Variants in PPEF1 observed in about 807,000 individuals in gnomAD.
PPEF1 encodes serine/threonine-protein phosphatase with EF-hands 1.
PPEF1 carries 12 observed loss-of-function variants against 53.3 expected under a neutral mutation model. That is an observed-to-expected ratio of 0.23 (90% CI 0.14 to 0.36). The LOEUF (loss-of-function observed/expected upper bound fraction) is 0.36, where lower values mean the gene tolerates loss of function less well. Ranked by LOEUF, PPEF1 falls within the 10% of genes least tolerant of loss-of-function variation. PPEF1 has a pLI of 1.00. For missense variants in PPEF1, 334 were observed against 490.4 expected, an observed-to-expected ratio of 0.68 and a Z score of 3.01; for synonymous variants, 165 against 176.7, an observed-to-expected ratio of 0.93 and a Z score of 0.52.
Position 18,733,657 on chromosome X carries a change from A to G in PPEF1, c.175-91A>G. 5 of 728,642 alleles carry G rather than the reference A, an allele frequency of 6.9e-6. No homozygotes were observed. The South Asian group carries it at 7.4e-5, about 11-fold the overall frequency. 60.0% of individuals were successfully genotyped at this position (728,642 alleles called of 1,213,427 possible). A position where few individuals can be genotyped will look rare whatever the true frequency, so the allele number is the denominator to read the frequency against. ...AGCTGAGATACAAATGCCCCACAAG[A>G]GTAAGGGCACTCGGGTGGAACACCA... On this transcript the variant is annotated intron_variant, in intron 2 of 15. Transcript: ENST00000470157.
intron 3 of PPEF1, among the ~76,000 whole-genome samples, chrX:18,687,612 T>G (rs1170711755): frequency 9.0e-6 from 1 of 111,666 alleles, no homozygotes; most frequent in Admixed American, 9.6e-5. Flanking sequence ...CTGGAAATGG[T>G]AGCTAATACT....
upstream of PPEF1, among the ~76,000 whole-genome samples, chrX:18,679,038 C>T (rs1428641882): frequency 1.8e-5 from 2 of 111,850 alleles, no homozygotes; most frequent in Admixed American, 9.5e-5. Flanking sequence ...TCTGTGTCCA[C>T]GCTTCTGATC....
intron 6 of PPEF1, among the ~76,000 whole-genome samples, chrX:18,777,487 G>A (rs918301338): frequency 2.7e-5 from 3 of 111,761 alleles, no homozygotes; most frequent in Non-Finnish European, 5.7e-5. Context: ...TAGCCATTTT[G>A]TTTTTCTTTT....
At chrX:18,691,161 C>T (rs1271863793) in intron 4 of PPEF1, 1 of 111,744 alleles carries the variant, frequency 8.9e-6, no homozygotes, top group Non-Finnish European at 1.9e-5. Flanking sequence ...GGACAATGAT[C>T]GAAAGTTAAC....
In PPEF1 at chrX:18,729,752, T is replaced by C. The variant is rs1351155621; in HGVS notation, c.47-429T>C. Among the ~76,000 whole-genome samples, 6 of 112,321 alleles carry C rather than the reference T, an allele frequency of 5.3e-5. No individual in the cohort carries two copies. In the Admixed American group the frequency reaches 5.7e-4, roughly 11 times the overall value. ...GTGTGAGAATTGCCTTTGGGGTACG[T>C]AGTGAAGAATGGAATTGCTACTTCA... On this transcript the variant is annotated intron_variant, in intron 1 of 15. Coordinates refer to ENST00000470157, the MANE Select transcript of PPEF1 (RefSeq NM_001377996.1).
At chrX:18,710,998 G>A (rs982258123) in intron 1 of PPEF1, among the ~76,000 whole-genome samples, 5 of 108,889 alleles carry the variant, frequency 4.6e-5, no homozygotes, top group Non-Finnish European at 9.5e-5. Flanking sequence ...GTGTGTGTGT[G>A]TATATATGTG....
chrX:18,821,794 AG>A (rs1569273858), intron 13 of PPEF1, among the ~76,000 whole-genome samples: 71 of 18,108 alleles, frequency 3.9e-3, no homozygotes, highest in African/African-American at 0.017. Context: ...AGAGAGAGAG[AG>A]AGAGAGAGAA....
At chrX:18,721,668 G>A (rs924115584) in intron 1 of PPEF1, among the ~76,000 whole-genome samples, 3 of 111,701 alleles carry the variant, frequency 2.7e-5, no homozygotes, top group Non-Finnish European at 5.6e-5. Flanking sequence ...GGCCCAAATG[G>A]AAGTATCTCA....
At chrX:18,740,273 G>A (rs1398639772) in intron 3 of PPEF1, among the ~76,000 whole-genome samples, 2 of 112,206 alleles carry the variant, frequency 1.8e-5, no homozygotes, top group Non-Finnish European at 3.8e-5. Context: ...CAAGATCAAG[G>A]GAACTTCATT....
chrX:18,678,016 C>T (rs927367906), upstream of PPEF1, among the ~76,000 whole-genome samples: 4 of 108,163 alleles, frequency 3.7e-5, no homozygotes, highest in Non-Finnish European at 7.6e-5. Context: ...GTGGTGCCAG[C>T]TACTCTGGGG....
intron 1 of PPEF1, among the ~76,000 whole-genome samples, chrX:18,728,184 T>G (rs6653640): frequency 1.1e-3 from 121 of 110,151 alleles, no homozygotes; most frequent in African/African-American, 3.9e-3. Context: ...TCTCTCTCTC[T>G]CTCGCTCTCT....
chrX:18,741,918 C>A (rs1216140591), intron 3 of PPEF1, among the ~76,000 whole-genome samples: 5 of 109,130 alleles, frequency 4.6e-5, no homozygotes, highest in African/African-American at 1.7e-4. Flanking sequence ...ATTCTCATGC[C>A]TCCCGAGTAG....
chrX:18,764,031 C>A (rs1311891564), intron 6 of PPEF1, among the ~76,000 whole-genome samples: 2 of 111,498 alleles, frequency 1.8e-5, no homozygotes, highest in Non-Finnish European at 3.8e-5. Flanking sequence ...GGCCAGTCAA[C>A]TGGGAGAAGT....
chrX:18,750,348 G>T (rs915060466), intron 4 of PPEF1, among the ~76,000 whole-genome samples: 2 of 111,123 alleles, frequency 1.8e-5, no homozygotes, highest in Admixed American at 9.6e-5. Flanking sequence ...GGCAACCACT[G>T]TTCTATTTTC....
chrX:18,705,406 G>A (rs2044174967), upstream of PPEF1, among the ~76,000 whole-genome samples: 1 of 111,886 alleles, frequency 8.9e-6, no homozygotes, highest in African/African-American at 3.3e-5. Context: ...AGACACGAAA[G>A]AAATGCCTAT....
upstream of PPEF1, among the ~76,000 whole-genome samples, chrX:18,675,628 G>C (rs1013055323): frequency 1.8e-5 from 2 of 112,345 alleles, no homozygotes; most frequent in Non-Finnish European, 3.8e-5. Context: ...CGTGTAGACG[G>C]GGCCACCCGT....
At chrX:18,692,869 T>G (rs2147245478) in intron 4 of PPEF1, among the ~76,000 whole-genome samples, 1 of 112,084 alleles carries the variant, frequency 8.9e-6, no homozygotes, top group East Asian at 2.8e-4. Context: ...GATGCATTTT[T>G]TTTTCACATT....
intron 3 of PPEF1, among the ~76,000 whole-genome samples, chrX:18,745,368 C>A (rs2045309841): frequency 1.9e-5 from 2 of 105,667 alleles, no homozygotes; most frequent in Admixed American, 2.2e-4. Context: ...CACGCACCAC[C>A]ATGCCCAGCT....
At chrX:18,775,877 G>A (rs983792561) in intron 6 of PPEF1, among the ~76,000 whole-genome samples, 10 of 112,385 alleles carry the variant, frequency 8.9e-5, no homozygotes, top group African/African-American at 1.9e-4. Context: ...TGTTCTTTTC[G>A]TTTCAAGGAT....
Sources: gnomAD v4.1 joint callset for allele counts (sites outside exome capture counted in the v4.1 genomes callset) on GRCh38, gnomAD v4.1.1 for gene constraint, MANE v1.5 for transcripts, NCBI Gene and HGNC (gene_info 2026-07-23, HGNC 2026-07-21) for gene names.